The following CALD1 variants were observed in gnomAD, a reference collection of about 807,000 sequenced individuals.
CALD1 encodes caldesmon.
A neutral mutation model predicts 99.9 loss-of-function variants in CALD1; 33 were observed. The observed-to-expected ratio is 0.33, with a 90% confidence interval of 0.25 to 0.44. CALD1 has a LOEUF of 0.44. CALD1 is among the 20% of genes least tolerant of loss of function. The probability of loss-of-function intolerance (pLI) is 1.00; values close to 1 mark genes in which losing one functional copy is unlikely to be tolerated. For missense variants in CALD1, 861 were observed against 962.1 expected, an observed-to-expected ratio of 0.89 and a Z score of 1.39; for synonymous variants, 310 against 325.0, an observed-to-expected ratio of 0.95 and a Z score of 0.50.
intron 4 of CALD1, among the ~76,000 whole-genome samples, chr7:134,931,794 A>G (rs1210841489): frequency 6.6e-6 from 1 of 152,244 alleles, no homozygotes; most frequent in Non-Finnish European, 1.5e-5. Context: ...AATAAATGTC[A>G]AATTTAACTG....
At chr7:134,837,412 G>A (rs902434097) in intron 1 of CALD1, among the ~76,000 whole-genome samples, 4 of 151,204 alleles carry the variant, frequency 2.6e-5, no homozygotes, top group Non-Finnish European at 5.9e-5. Context: ...GCATGATCTC[G>A]GCTCACTGCA....
At chr7:134,851,763 C>T (rs1230821111) in intron 2 of CALD1, among the ~76,000 whole-genome samples, 1 of 152,126 alleles carries the variant, frequency 6.6e-6, no homozygotes, top group Admixed American at 6.6e-5. Flanking sequence ...AAGTCTACCC[C>T]AGAAGTGACA....
At chr7:134,739,655 G>T (rs1796576452), upstream of CALD1, among the ~76,000 whole-genome samples, 1 of 152,088 alleles carries the variant, frequency 6.6e-6, no homozygotes, top group South Asian at 2.1e-4. Flanking sequence ...GAACTGCAAA[G>T]AACAAGAGGA....
chr7:134,907,038 C>A (rs910686440), intron 3 of CALD1, among the ~76,000 whole-genome samples: 4 of 152,190 alleles, frequency 2.6e-5, no homozygotes, highest in Non-Finnish European at 4.4e-5. Flanking sequence ...GCCCGTCTCA[C>A]AGATACTATA....
At chr7:134,935,465 C>G (rs1409387578) in intron 5 of CALD1, among the ~76,000 whole-genome samples, 1 of 152,116 alleles carries the variant, frequency 6.6e-6, no homozygotes, top group Non-Finnish European at 1.5e-5. Flanking sequence ...CCACATCATG[C>G]TAGATTTCAG....
chr7:134,757,385 T>C (rs182475839), intron 1 of CALD1, among the ~76,000 whole-genome samples: 301 of 152,316 alleles, frequency 2.0e-3, no homozygotes, highest in African/African-American at 7.0e-3. Flanking sequence ...TGGCTCTGCC[T>C]ATAGATAGAT....
chr7:134,888,448 C>T (rs1377671666), intron 3 of CALD1, among the ~76,000 whole-genome samples: 2 of 152,222 alleles, frequency 1.3e-5, no homozygotes, highest in Non-Finnish European at 2.9e-5. Context: ...AGGACCAGAA[C>T]ACTGTGCACA....
chr7:134,849,283 C>T (rs916029956), intron 2 of CALD1, among the ~76,000 whole-genome samples: 4 of 152,086 alleles, frequency 2.6e-5, no homozygotes, highest in Admixed American at 6.6e-5. Context: ...TGCATAATTG[C>T]CCCCTACATT....
At chr7:134,900,641 A>G (rs1303047155) in intron 3 of CALD1, among the ~76,000 whole-genome samples, 1 of 152,132 alleles carries the variant, frequency 6.6e-6, no homozygotes, top group African/African-American at 2.4e-5. Context: ...GATCCCACTC[A>G]TGACACAGTG....
intron 1 of CALD1, among the ~76,000 whole-genome samples, chr7:134,811,421 C>T (rs1390012724): frequency 2.0e-5 from 3 of 152,272 alleles, no homozygotes; most frequent in South Asian, 4.1e-4. Context: ...CAGGATACTC[C>T]GAAATTATCC....
In CALD1 at chr7:134,753,805, G is replaced by A. The variant is rs116490225; in HGVS notation, c.-130+9442G>A. 9.0e-3 allele frequency among the ~76,000 whole-genome samples: 1,369 copies of A among 152,180 alleles called. 23 individuals carry two copies. Among genetic ancestry groups the A allele is most frequent in the African/African-American group, 0.031 (1,302 of 41,526 alleles). On this transcript the variant is annotated intron_variant, in intron 1 of 13. Coordinates refer to the CALD1 transcript ENST00000417172. ...TTGTAGCTATTGTCTATAATTTAAC[G>A]CTTCTGATACCCAGATGCCGGCTGA... is the stretch of plus-strand genomic sequence containing the variant.
chr7:134,799,240 T>C (rs188143296), intron 1 of CALD1, among the ~76,000 whole-genome samples: 1 of 152,340 alleles, frequency 6.6e-6, no homozygotes, highest in East Asian at 1.9e-4. Context: ...GAGGAACCCT[T>C]ACTAATGAGT....
chr7:134,896,818 G>C (rs887380896), intron 3 of CALD1, among the ~76,000 whole-genome samples: 7 of 152,194 alleles, frequency 4.6e-5, no homozygotes. Flanking sequence ...ATGGGGAAGA[G>C]GTCCTCTGTC....
intron 1 of CALD1, among the ~76,000 whole-genome samples, chr7:134,798,689 T>C (rs925118437): frequency 6.6e-6 from 1 of 152,236 alleles, no homozygotes; most frequent in Non-Finnish European, 1.5e-5. Context: ...ATAAAGGAGA[T>C]TGCTTTTTAG....
At chr7:134,714,547 A>G in the CALD1 span, among the ~76,000 whole-genome samples, 10 of 152,202 alleles carry the variant, frequency 6.6e-5, no homozygotes, top group Admixed American at 5.9e-4. Context: ...GGCTTTGCTC[A>G]GGAAAGAATT....
chr7:134,794,723 G>A (rs1453175248), intron 1 of CALD1, among the ~76,000 whole-genome samples: 1 of 152,108 alleles, frequency 6.6e-6, no homozygotes, highest in Admixed American at 6.5e-5. Context: ...CTGACCTCAA[G>A]TGATCTGCCC....
Position 134,809,169 on chromosome 7 carries a change from T to C in CALD1, c.-130+29420T>C, listed in dbSNP as rs551477743. On this transcript the variant is annotated intron_variant, in intron 1 of 14. Transcript: ENST00000361675. ...GTTCATGAGAGACACTGTAGTACAA[T>C]ACCGGGGACACAGGTAGTATACGTA... 5.3e-5 allele frequency among the ~76,000 whole-genome samples: 8 copies of C among 152,332 alleles called. No individual in the cohort carries two copies. In the South Asian group the frequency reaches 1.2e-3, roughly 24 times the overall value.
chr7:134,836,241 G>C, intron 1 of CALD1, among the ~76,000 whole-genome samples: 1 of 151,652 alleles, frequency 6.6e-6, no homozygotes, highest in Admixed American at 6.6e-5. Context: ...AACCATGAGG[G>C]TTCTAATCTT....
intron 2 of CALD1, among the ~76,000 whole-genome samples, chr7:134,848,447 T>C (rs1799943106): frequency 6.6e-6 from 1 of 152,188 alleles, no homozygotes; most frequent in Non-Finnish European, 1.5e-5. Flanking sequence ...ACTAGTTTAA[T>C]ATATTTGGCT....
Sources: gnomAD v4.1 joint callset for allele counts (sites outside exome capture counted in the v4.1 genomes callset) on GRCh38, gnomAD v4.1.1 for gene constraint, MANE v1.5 for transcripts, NCBI Gene and HGNC (gene_info 2026-07-23, HGNC 2026-07-21) for gene names.